TET1: variants seen among roughly 807,000 people sequenced by gnomAD.
TET1 encodes the protein methylcytosine dioxygenase TET1.
In TET1, 13 loss-of-function variants were observed where a neutral mutation model predicts 148.7. The ratio of observed to expected loss-of-function variants is 0.09; its 90% confidence interval spans 0.06 to 0.14. The LOEUF (loss-of-function observed/expected upper bound fraction) is 0.14. TET1 is among the 10% of genes least tolerant of loss of function. TET1 has a pLI of 1.00. For synonymous variants in TET1, 907 were observed against 937.2 expected (o/e 0.97, Z 0.59); for missense variants, 2,182 against 2,553.8 (o/e 0.85, Z 3.14).
At chr10:68,682,388 A>C (rs2055448998) in intron 9 of TET1, among the ~76,000 whole-genome samples, 2 of 152,294 alleles carry the variant, frequency 1.3e-5, no homozygotes, top group Admixed American at 1.3e-4. Context: ...CTGGGATTAC[A>C]GGCATTAGCC....
At chr10:68,605,462 C>T (rs1176565710) in intron 3 of TET1, among the ~76,000 whole-genome samples, 2 of 152,168 alleles carry the variant, frequency 1.3e-5, no homozygotes, top group Admixed American at 1.3e-4. Context: ...AAAACATCAT[C>T]TAGGGAAAGA....
rs59106736 is a variant in TET1 at position 68,638,765 on chromosome 10, T to TTGTGTGTGTG, written c.1969-5896_1969-5887dup. On this transcript the variant is annotated intron_variant, in intron 3 of 11. Coordinates refer to ENST00000373644, the MANE Select transcript of TET1 (RefSeq NM_030625.3). ...ACAGGAAATACTGCATGTATGGAGT[T>TTGTGTGTGTG]TGTGTGTGTGTGTGTGTGTGTGTGT... 2.1e-3 allele frequency among the ~76,000 whole-genome samples: 292 copies of TTGTGTGTGTG among 140,900 alleles called. 2 individuals carry two copies. The highest frequency in any genetic ancestry group is 3.5e-3 in the Middle Eastern group (1 of 286). The allele number at this position is 140,900 out of a possible 152,430, so 92.4% of individuals were successfully genotyped here.
intron 4 of TET1, among the ~76,000 whole-genome samples, chr10:68,650,441 G>T (rs373777725): frequency 6.6e-6 from 1 of 152,104 alleles, no homozygotes; most frequent in Admixed American, 6.6e-5. Flanking sequence ...TCAGGAGTTC[G>T]AGACCAGCCT....
intron 8 of TET1, chr10:68,674,250 T>G (rs2055319919): frequency 6.5e-6 from 1 of 154,336 alleles, no homozygotes; most frequent in African/African-American, 2.4e-5. Context: ...GAGGTTGGCT[T>G]GAACCAACCA....
At chr10:68,639,174 G>T (rs2054700878) in intron 3 of TET1, among the ~76,000 whole-genome samples, 1 of 151,160 alleles carries the variant, frequency 6.6e-6, no homozygotes, top group Admixed American at 6.6e-5. Flanking sequence ...TTAAGACAGA[G>T]TTTCACTCTG....
At chr10:68,576,690 T>C (rs1179217629) in intron 2 of TET1, among the ~76,000 whole-genome samples, 1 of 152,102 alleles carries the variant, frequency 6.6e-6, no homozygotes, top group Non-Finnish European at 1.5e-5. Flanking sequence ...TAAAAAGTAC[T>C]GTGAACTTAA....
At chr10:68,637,855 T>A (rs1265929800) in intron 3 of TET1, among the ~76,000 whole-genome samples, 2 of 148,978 alleles carry the variant, frequency 1.3e-5, no homozygotes, top group Non-Finnish European at 3.0e-5. Context: ...GGTGACAGAG[T>A]GAGACTCCGT....
chr10:68,670,777 A>G (rs1017840932), intron 7 of TET1, among the ~76,000 whole-genome samples: 11 of 152,120 alleles, frequency 7.2e-5, no homozygotes, highest in Non-Finnish European at 1.3e-4. Flanking sequence ...ATTTCATCGT[A>G]GTCTTTCTTT....
At chr10:68,674,786 C>A in intron 8 of TET1, 1 of 490,512 alleles carries the variant, frequency 2.0e-6, no homozygotes. Context: ...TTATGCTTAG[C>A]ACCAATGTTT....
intron 3 of TET1, among the ~76,000 whole-genome samples, chr10:68,605,310 C>G (rs1032860118): frequency 6.6e-5 from 10 of 152,148 alleles, no homozygotes; most frequent in Admixed American, 6.5e-4. Context: ...CCCATCTCTA[C>G]TAAAAATACA....
chr10:68,664,268 G>A (rs2055163363), intron 6 of TET1, among the ~76,000 whole-genome samples: 1 of 151,332 alleles, frequency 6.6e-6, no homozygotes, highest in African/African-American at 2.4e-5. Flanking sequence ...TTTTCTATGG[G>A]GGCAATTCTC....
intron 8 of TET1, among the ~76,000 whole-genome samples, chr10:68,680,638 A>G (rs77485813): frequency 0.051 from 7,693 of 152,308 alleles, 676 homozygotes; most frequent in African/African-American, 0.18. Flanking sequence ...GTTAGCCACC[A>G]TGCTAATAGA....
chr10:68,626,104 A>AGAAAAG, intron 3 of TET1, among the ~76,000 whole-genome samples: 2 of 10,404 alleles, frequency 1.9e-4, no homozygotes, highest in African/African-American at 3.9e-4. Context: ...AAAAGAAAAA[A>AGAAAAG]AAAAAGAAAA....
chr10:68,651,588 T>C (rs1175999982), intron 4 of TET1, among the ~76,000 whole-genome samples: 1 of 152,156 alleles, frequency 6.6e-6, no homozygotes, highest in African/African-American at 2.4e-5. Context: ...AGTATAAATA[T>C]GACCCACATC....
intron 7 of TET1, among the ~76,000 whole-genome samples, chr10:68,669,113 T>C (rs2055233408): frequency 6.6e-6 from 1 of 152,080 alleles, no homozygotes; most frequent in South Asian, 2.1e-4. Context: ...GGCATAGTGG[T>C]GTGTGCCTGT....
chr10:68,582,404 C>T (rs2053808529), intron 2 of TET1, among the ~76,000 whole-genome samples: 1 of 152,140 alleles, frequency 6.6e-6, no homozygotes, highest in Non-Finnish European at 1.5e-5. Context: ...CCTTAGATGA[C>T]ACTATTAAGT....
chr10:68,654,494 A>G (rs993513126), intron 6 of TET1, among the ~76,000 whole-genome samples: 10 of 151,190 alleles, frequency 6.6e-5, no homozygotes, highest in African/African-American at 1.5e-4. Context: ...GCGCGAGCCT[A>G]TAGTCCCAGC....
intron 3 of TET1, among the ~76,000 whole-genome samples, chr10:68,616,541 A>T (rs999182753): frequency 2.7e-5 from 4 of 147,764 alleles, no homozygotes; most frequent in Non-Finnish European, 4.5e-5. Context: ...TCTTTTGAGA[A>T]TTTTTTTTTT....
At chr10:68,654,064 G>T (rs182468453) in intron 6 of TET1, among the ~76,000 whole-genome samples, 1 of 130,084 alleles carries the variant, frequency 7.7e-6, no homozygotes, top group Non-Finnish European at 1.6e-5. Flanking sequence ...CCAAGATCGG[G>T]CCACTGCACT....
Sources: gnomAD v4.1 joint callset for allele counts (sites outside exome capture counted in the v4.1 genomes callset) on GRCh38, gnomAD v4.1.1 for gene constraint, MANE v1.5 for transcripts, NCBI Gene and HGNC (gene_info 2026-07-23, HGNC 2026-07-21) for gene names.